The following SPMIP7 variants were observed in gnomAD, a reference collection of about 807,000 sequenced individuals.
SPMIP7 encodes sperm microtubule inner protein 7.
At chr7:50,106,769 T>C in the SPMIP7 span, among the ~76,000 whole-genome samples, 1 of 152,168 alleles carries the variant, frequency 6.6e-6, no homozygotes, top group Non-Finnish European at 1.5e-5. Context: ...GAGCTCACAA[T>C]TTTTGTAAAA....
the SPMIP7 span, among the ~76,000 whole-genome samples, chr7:50,100,797 G>A: frequency 2.2e-5 from 1 of 45,154 alleles, no homozygotes; most frequent in Non-Finnish European, 5.8e-5. Flanking sequence ...TGGCGACAGA[G>A]TGAGATGCCG....
the SPMIP7 span, chr7:50,151,597 T>C: frequency 3.7e-6 from 5 of 1,347,780 alleles, no homozygotes; most frequent in Non-Finnish European, 5.2e-6. Flanking sequence ...TCAGATACAT[T>C]AGGAGGGGAA....
the SPMIP7 span, among the ~76,000 whole-genome samples, chr7:50,106,759 G>A: frequency 6.6e-6 from 1 of 152,140 alleles, no homozygotes; most frequent in African/African-American, 2.4e-5. Flanking sequence ...AGAAAAAAAT[G>A]AGCTCACAAT....
At chr7:50,097,313 C>T in the SPMIP7 span, among the ~76,000 whole-genome samples, 122 of 152,138 alleles carry the variant, frequency 8.0e-4, no homozygotes, top group Non-Finnish European at 1.5e-3. Flanking sequence ...TTTTTAGCAT[C>T]GGAAAAGGAA....
At chr7:50,124,126 G>T in the SPMIP7 span, among the ~76,000 whole-genome samples, 1 of 152,076 alleles carries the variant, frequency 6.6e-6, no homozygotes, top group African/African-American at 2.4e-5. Context: ...ATGACAAAGG[G>T]TGTTACAAGA....
chr7:50,133,481 G>A, the SPMIP7 span, among the ~76,000 whole-genome samples: 1 of 152,188 alleles, frequency 6.6e-6, no homozygotes, highest in Middle Eastern at 3.4e-3. Context: ...ATCCTCTGAA[G>A]GTCAAATGAG....
chr7:50,124,125 G>C, the SPMIP7 span, among the ~76,000 whole-genome samples: 1 of 151,986 alleles, frequency 6.6e-6, no homozygotes, highest in Non-Finnish European at 1.5e-5. Flanking sequence ...CATGACAAAG[G>C]GTGTTACAAG....
chr7:50,125,150 AC>A, the SPMIP7 span, among the ~76,000 whole-genome samples: 4 of 96,876 alleles, frequency 4.1e-5, no homozygotes, highest in Non-Finnish European at 6.0e-5. Context: ...ACATATACAC[AC>A]ATATATATAC....
At chr7:50,118,468 C>T in the SPMIP7 span, among the ~76,000 whole-genome samples, 1 of 152,180 alleles carries the variant, frequency 6.6e-6, no homozygotes, top group Non-Finnish European at 1.5e-5. Context: ...ATTTTCACTA[C>T]CGGACTTTAT....
chr7:50,117,332 T>C, the SPMIP7 span: 1 of 436,698 alleles, frequency 2.3e-6, no homozygotes, highest in Non-Finnish European at 4.6e-6. Context: ...ATATTTTAAT[T>C]GTTTAAAAGC....
the SPMIP7 span, among the ~76,000 whole-genome samples, chr7:50,158,105 C>T: frequency 1.7e-4 from 26 of 152,114 alleles, no homozygotes; most frequent in Non-Finnish European, 3.7e-4. Context: ...CAGGCCCCTC[C>T]CGCCCATGTC....
the SPMIP7 span, among the ~76,000 whole-genome samples, chr7:50,148,787 G>A: frequency 6.6e-6 from 1 of 152,166 alleles, no homozygotes; most frequent in Non-Finnish European, 1.5e-5. Context: ...AGCAGCACAG[G>A]AGAATCATCT....
chr7:50,154,495 G>C, the SPMIP7 span, among the ~76,000 whole-genome samples: 1,142 of 152,298 alleles, frequency 7.5e-3, 24 homozygotes, highest in African/African-American at 0.026. Context: ...GTGAGATAGT[G>C]CAACATGTTT....
the SPMIP7 span, chr7:50,104,303 T>G: frequency 6.9e-7 from 1 of 1,454,774 alleles, no homozygotes; most frequent in Non-Finnish European, 9.2e-7. Context: ...TCGCTTTTTT[T>G]GTGTTTTCAG....
the SPMIP7 span, chr7:50,120,347 T>C: frequency 6.6e-6 from 1 of 152,122 alleles, no homozygotes; most frequent in African/African-American, 2.4e-5. Context: ...AATCTTGAAA[T>C]TTGTAGCCAA....
At chr7:50,125,561 C>G in the SPMIP7 span, among the ~76,000 whole-genome samples, 1 of 147,554 alleles carries the variant, frequency 6.8e-6, no homozygotes, top group African/African-American at 2.5e-5. Flanking sequence ...TGTCCATAGA[C>G]AGATGAATGG....
the SPMIP7 span, among the ~76,000 whole-genome samples, chr7:50,097,683 T>TTA: frequency 2.8e-5 from 4 of 142,214 alleles, no homozygotes; most frequent in Non-Finnish European, 4.6e-5. Flanking sequence ...CATTTTATGT[T>TTA]AAAAAAAAAA....
chr7:50,108,208 C>T, the SPMIP7 span, among the ~76,000 whole-genome samples: 1 of 152,022 alleles, frequency 6.6e-6, no homozygotes, highest in African/African-American at 2.4e-5. Context: ...AAATTTAGTC[C>T]CTTCTCTATG....
chr7:50,138,732 A>G, the SPMIP7 span, among the ~76,000 whole-genome samples: 13 of 151,950 alleles, frequency 8.6e-5, no homozygotes, highest in African/African-American at 2.9e-4. Context: ...CACCACTTCA[A>G]TAAAAGCAGT....
Sources: allele counts gnomAD v4.1 joint callset (sites outside exome capture counted in the v4.1 genomes callset), GRCh38; gene constraint gnomAD v4.1.1; transcripts MANE v1.5; gene names NCBI Gene and HGNC (gene_info 2026-07-23, HGNC 2026-07-21).